Variants in LARGE1 observed in about 807,000 individuals in gnomAD.
LARGE1 encodes xylosyl- and glucuronyltransferase LARGE1.
In LARGE1, 43 loss-of-function variants were observed where a neutral mutation model predicts 87.6. The observed-to-expected ratio is 0.49, with a 90% CI of 0.38 to 0.63. The LOEUF is 0.63. LARGE1 is among the 30% of genes least tolerant of loss of function. The probability of loss-of-function intolerance (pLI) is 0.00; values close to 1 mark genes in which losing one functional copy is unlikely to be tolerated. For missense variants in LARGE1, 802 were observed against 1,000.2 expected (o/e 0.80, Z 2.67); for synonymous variants, 434 against 394.6 (o/e 1.10, Z -1.18).
chr22:33,319,807 C>T (rs1055220489), intron 10 of LARGE1, among the ~76,000 whole-genome samples: 6 of 152,052 alleles, frequency 3.9e-5, no homozygotes, highest in Non-Finnish European at 5.9e-5. Flanking sequence ...GGACCTGTAC[C>T]ACATATTGAA....
rs771916969 is a variant in LARGE1, at chr22:33,422,429, C to A, written c.892+9732G>T. Among the ~76,000 whole-genome samples, 12 of 151,868 alleles carry A rather than the reference C, an allele frequency of 7.9e-5. No individual in the cohort carries two copies. In the South Asian group the frequency reaches 1.0e-3, roughly 13 times the overall value. ...GGCCTCAGGAAGCTTCCAATCATGG[C>A]AGAAGGCAAAGGGGGAGCAGGTACC... is the stretch of plus-strand genomic sequence containing the variant. On this transcript the variant is annotated intron_variant, in intron 7 of 14. Coordinates refer to ENST00000397394, the MANE Select transcript of LARGE1 (RefSeq NM_133642.5).
At chr22:33,317,945 G>A (rs1936336367) in intron 10 of LARGE1, among the ~76,000 whole-genome samples, 1 of 152,020 alleles carries the variant, frequency 6.6e-6, no homozygotes, top group Non-Finnish European at 1.5e-5. Flanking sequence ...CACTTAGAAT[G>A]GGAGGACTTG....
chr22:33,466,391 C>CTG (rs1204999463), intron 6 of LARGE1, among the ~76,000 whole-genome samples: 3 of 151,082 alleles, frequency 2.0e-5, no homozygotes, highest in South Asian at 2.1e-4. Flanking sequence ...CTCTCTCTCT[C>CTG]TGTCATACTT....
chr22:33,513,846 C>CACACACACACAT (rs58043155), intron 6 of LARGE1, among the ~76,000 whole-genome samples: 5 of 150,252 alleles, frequency 3.3e-5, no homozygotes, highest in Non-Finnish European at 5.9e-5. Context: ...CACACACACA[C>CACACACACACAT]GAGTCATGTG....
At chr22:33,234,718 T>G (rs1028314062) in intron 11 of LARGE1, among the ~76,000 whole-genome samples, 1 of 152,026 alleles carries the variant, frequency 6.6e-6, no homozygotes, top group Non-Finnish European at 1.5e-5. Flanking sequence ...ATTTTGTATT[T>G]TTAGTAGAGG....
chr22:33,869,604 A>G (rs2064214557), intron 1 of LARGE1, among the ~76,000 whole-genome samples: 1 of 152,146 alleles, frequency 6.6e-6, no homozygotes, highest in Non-Finnish European at 1.5e-5. Context: ...GCACAAAAGG[A>G]GGGGTAGCAA....
At chr22:33,556,768 G>A (rs1194534720) in intron 6 of LARGE1, among the ~76,000 whole-genome samples, 2 of 151,986 alleles carry the variant, frequency 1.3e-5, no homozygotes, top group Admixed American at 6.5e-5. Flanking sequence ...AGCACTTTGG[G>A]AGGCAGAGGT....
chr22:33,413,682 G>A (rs1376374452), intron 7 of LARGE1, among the ~76,000 whole-genome samples: 1 of 151,906 alleles, frequency 6.6e-6, no homozygotes, highest in African/African-American at 2.4e-5. Context: ...GGCCAGGCTG[G>A]TCTTGAACTC....
At chr22:33,839,269 G>T (rs909392560) in intron 1 of LARGE1, among the ~76,000 whole-genome samples, 1 of 152,132 alleles carries the variant, frequency 6.6e-6, no homozygotes, top group African/African-American at 2.4e-5. Context: ...AAAGAGGGAG[G>T]AGGTCTCAGA....
At chr22:33,084,365 A>C in the LARGE1 span, among the ~76,000 whole-genome samples, 3 of 152,134 alleles carry the variant, frequency 2.0e-5, no homozygotes, top group African/African-American at 4.8e-5. Flanking sequence ...GTCTGATAGA[A>C]ATATAATGCA....
the LARGE1 span, among the ~76,000 whole-genome samples, chr22:33,104,945 T>TTCTCTTTC: frequency 2.2e-5 from 3 of 137,564 alleles, no homozygotes; most frequent in Non-Finnish European, 4.7e-5. Context: ...CTTTCTTTCT[T>TTCTCTTTC]TCTCTTTCTC....
chr22:33,112,239 G>A, the LARGE1 span, among the ~76,000 whole-genome samples: 1 of 152,210 alleles, frequency 6.6e-6, no homozygotes, highest in Non-Finnish European at 1.5e-5. Context: ...AAGTGGGATC[G>A]AGAAAAGTGG....
intron 9 of LARGE1, among the ~76,000 whole-genome samples, chr22:33,346,756 G>A (rs1939814460): frequency 6.6e-6 from 1 of 152,084 alleles, no homozygotes; most frequent in Non-Finnish European, 1.5e-5. Context: ...AACTTTGTTT[G>A]TAGTTGCAAT....
chr22:33,604,296 C>T, intron 5 of LARGE1, 139 bp downstream of exon 5: 2 of 1,100,404 alleles, frequency 1.8e-6, no homozygotes, highest in Non-Finnish European at 2.7e-6. Flanking sequence ...TCAGATTCTG[C>T]TGGCAAACAA....
At chr22:33,524,328 A>G (rs2071770576) in intron 6 of LARGE1, among the ~76,000 whole-genome samples, 1 of 151,582 alleles carries the variant, frequency 6.6e-6, no homozygotes, top group Non-Finnish European at 1.5e-5. Context: ...AATCAAGCCC[A>G]TTTCCTTGCC....
At chr22:33,737,209 T>C (rs777527858) in intron 2 of LARGE1, among the ~76,000 whole-genome samples, 5 of 152,172 alleles carry the variant, frequency 3.3e-5, no homozygotes, top group Non-Finnish European at 7.4e-5. Flanking sequence ...CCTCGAAACC[T>C]ACCCCAGGTA....
intron 11 of LARGE1, chr22:33,166,894 A>G (rs1922305690): frequency 4.2e-6 from 2 of 470,832 alleles, no homozygotes; most frequent in Non-Finnish European, 8.8e-6. Context: ...TATTTGTTCT[A>G]TGCAATGATA....
intron 4 of LARGE1, among the ~76,000 whole-genome samples, chr22:33,605,714 C>A (rs2079234023): frequency 1.3e-5 from 2 of 152,140 alleles, no homozygotes; most frequent in Admixed American, 6.5e-5. Flanking sequence ...TGAGTACCTA[C>A]TAGAAATAAA....
At chr22:33,367,993 C>T (rs1463731967) in intron 9 of LARGE1, among the ~76,000 whole-genome samples, 2 of 151,984 alleles carry the variant, frequency 1.3e-5, no homozygotes, top group Non-Finnish European at 1.5e-5. Context: ...CTTATTGTTA[C>T]TGCCTTCTTA....
Sources: gnomAD v4.1 joint callset for allele counts (sites outside exome capture counted in the v4.1 genomes callset) on GRCh38, gnomAD v4.1.1 for gene constraint, MANE v1.5 for transcripts, NCBI Gene and HGNC (gene_info 2026-07-23, HGNC 2026-07-21) for gene names.